Variants in RABL3 observed in about 807,000 individuals in gnomAD.
The protein encoded by RABL3 is rab-like protein 3.
A neutral mutation model predicts 31.8 loss-of-function variants in RABL3; 31 were observed. The ratio of observed to expected loss-of-function variants is 0.97; its 90% CI spans 0.73 to 1.31. The LOEUF (loss-of-function observed/expected upper bound fraction) is 1.31, where lower values mean the gene tolerates loss of function less well. RABL3 is among the 40% of genes most tolerant of loss of function. RABL3 has a pLI of 0.00. For synonymous variants in RABL3, 97 were observed against 99.9 expected, an observed-to-expected ratio of 0.97 and a Z score of 0.18; for missense variants, 263 against 279.6, an observed-to-expected ratio of 0.94 and a Z score of 0.42.
chr3:120,692,075 G>A (rs993368616), intron 6 of RABL3, among the ~76,000 whole-genome samples: 1 of 152,204 alleles, frequency 6.6e-6, no homozygotes, highest in African/African-American at 2.4e-5. Context: ...AAACCAAGAA[G>A]GAGACTGATT....
chr3:120,702,631 C>T lies in RABL3; in HGVS notation c.383+3369G>A, dbSNP rs187661573. Among the ~76,000 whole-genome samples, 11 of 151,348 alleles carry T rather than the reference C, an allele frequency of 7.3e-5. No homozygotes were observed. In the East Asian group the frequency reaches 2.0e-3, roughly 27 times the overall value. ...GGGGTGCAGTGGCGTGATCTCGGCTCACTGCAAGCTCCGTCTCCCAGGTTC... is the reference window on the plus strand; with the variant it reads ...GGGGTGCAGTGGCGTGATCTCGGCTTACTGCAAGCTCCGTCTCCCAGGTTC... On this transcript the variant is annotated intron_variant, in intron 4 of 7. Transcript: ENST00000273375.
At chr3:120,690,318 G>T in intron 7 of RABL3, 131 bp downstream of exon 7, 1 of 669,688 alleles carries the variant, frequency 1.5e-6, no homozygotes, top group Non-Finnish European at 2.7e-6. Context: ...TATTTAACAG[G>T]ATAGAAGGAA....
At chr3:120,713,460 T>C (rs933047598) in intron 2 of RABL3, among the ~76,000 whole-genome samples, 1 of 152,222 alleles carries the variant, frequency 6.6e-6, no homozygotes, top group African/African-American at 2.4e-5. Flanking sequence ...ATAACAAGTA[T>C]TGCTCTTGAC....
intron 4 of RABL3, among the ~76,000 whole-genome samples, chr3:120,701,682 G>T (rs76219488): frequency 0.23 from 34,771 of 151,994 alleles, 4,697 homozygotes; most frequent in Non-Finnish European, 0.3. Context: ...TCTTTATTAG[G>T]TCTTGCTGGA....
At chr3:120,698,380 T>G (rs374960241) in intron 5 of RABL3, 43 bp downstream of exon 5, 49 of 1,556,402 alleles carry the variant, frequency 3.1e-5, no homozygotes, top group Admixed American at 1.4e-4. Flanking sequence ...AGTTTTGTCT[T>G]TACCCGATAA....
intron 4 of RABL3, 136 bp downstream of exon 4, chr3:120,705,864 T>C (rs1219167512): frequency 1.2e-5 from 8 of 657,262 alleles, no homozygotes; most frequent in Admixed American, 5.6e-5. Context: ...TTGTGAAAGA[T>C]ACTGTTAAAA....
At chr3:120,727,727 T>C (rs1280416083) in intron 2 of RABL3, among the ~76,000 whole-genome samples, 2 of 152,166 alleles carry the variant, frequency 1.3e-5, no homozygotes, top group East Asian at 1.9e-4. Context: ...TCTAGTGATA[T>C]ATGAAAAGAG....
At chr3:120,695,545 T>C (rs182742648) in intron 5 of RABL3, among the ~76,000 whole-genome samples, 1 of 152,270 alleles carries the variant, frequency 6.6e-6, no homozygotes, top group Admixed American at 6.5e-5. Flanking sequence ...TTAGTCCTCC[T>C]CTCTTCAATC....
intron 3 of RABL3, among the ~76,000 whole-genome samples, chr3:120,709,144 A>G (rs1160180687): frequency 1.3e-5 from 2 of 152,068 alleles, no homozygotes; most frequent in African/African-American, 4.8e-5. Flanking sequence ...AATTTTTAAA[A>G]AGACTAAGAA....
intron 2 of RABL3, chr3:120,722,174 T>C (rs1040146900): frequency 6.6e-6 from 1 of 152,160 alleles, no homozygotes; most frequent in African/African-American, 2.4e-5. Context: ...AGCAGTAATA[T>C]TAATAATTTT....
intron 2 of RABL3, among the ~76,000 whole-genome samples, chr3:120,710,860 CAA>C (rs961102064): frequency 6.6e-6 from 1 of 152,120 alleles, no homozygotes; most frequent in African/African-American, 2.4e-5. Context: ...AAAAGTCCTC[CAA>C]AGAGTTGTCT....
chr3:120,725,774 A>G (rs1300573942), intron 2 of RABL3, among the ~76,000 whole-genome samples: 1 of 152,164 alleles, frequency 6.6e-6, no homozygotes, highest in Non-Finnish European at 1.5e-5. Context: ...AGGAAGGCGA[A>G]CATCACACAC....
rs577510798 is a variant in RABL3 at position 120,740,244 on chromosome 3, CA to C, written c.46+2217del. On this transcript the variant is annotated intron_variant, in intron 1 of 7. Transcript: ENST00000273375. ...TCTCAATAGGATAAAAACAAATCAC[CA>C]AATATCAACTTATTCTTTTTATTTT... is the stretch of plus-strand genomic sequence containing the variant. Among the ~76,000 whole-genome samples the C allele has an allele frequency of 9.9e-5, 15 of 152,180 alleles. No homozygotes were observed. In the South Asian group the frequency reaches 3.1e-3, roughly 32 times the overall value.
intron 1 of RABL3, among the ~76,000 whole-genome samples, chr3:120,735,897 G>A (rs1708955345): frequency 6.6e-6 from 1 of 152,228 alleles, no homozygotes; most frequent in African/African-American, 2.4e-5. Context: ...TGACAGCACT[G>A]TGGTCTGAGA....
At chr3:120,736,555 G>A (rs562645179) in intron 1 of RABL3, among the ~76,000 whole-genome samples, 1 of 152,196 alleles carries the variant, frequency 6.6e-6, no homozygotes, top group Non-Finnish European at 1.5e-5. Flanking sequence ...ATTGTTATGT[G>A]TGAATTTGAT....
rs373848016 is a variant in RABL3 at position 120,725,771 on chromosome 3, C to G, written c.138+4925G>C. On this transcript the variant is annotated intron_variant, in intron 2 of 7. Coordinates refer to ENST00000273375, the MANE Select transcript of RABL3 (RefSeq NM_173825.5). ...ATGAGAACACATGGACACAGGAAGGCGAACATCACACACTGGGGCCTATTG... is the reference window on the plus strand; with the variant it reads ...ATGAGAACACATGGACACAGGAAGGGGAACATCACACACTGGGGCCTATTG... Among the ~76,000 whole-genome samples the G allele has an allele frequency of 1.3e-3, 196 of 151,938 alleles. No individual in the cohort carries two copies. In the East Asian group the frequency reaches 0.035, roughly 27 times the overall value.
At chr3:120,739,269 T>C (rs1709012118) in intron 1 of RABL3, among the ~76,000 whole-genome samples, 1 of 151,706 alleles carries the variant, frequency 6.6e-6, no homozygotes, top group Non-Finnish European at 1.5e-5. Context: ...CCCAGCTACT[T>C]GGGAGGCTGA....
At chr3:120,697,946 C>T (rs1363406700) in intron 5 of RABL3, among the ~76,000 whole-genome samples, 2 of 152,096 alleles carry the variant, frequency 1.3e-5, no homozygotes, top group South Asian at 2.1e-4. Context: ...AGGGCAAATC[C>T]AGTCAAGAGT....
chr3:120,687,512 T>C lies in RABL3; in HGVS notation c.*2311A>G, dbSNP rs1708325050. 1 of 152,256 alleles carries C rather than the reference T, an allele frequency of 6.6e-6. No homozygotes were observed. The highest frequency in any genetic ancestry group is 1.5e-5 in the Non-Finnish European group (1 of 68,036). 9.4% of individuals were successfully genotyped at this position (152,256 alleles called of 1,614,324 possible). On this transcript the variant is annotated 3_prime_UTR_variant, in exon 8 of 8. Transcript: ENST00000273375. ...TATTATCTAAAAGCATTTTTATGAA[T>C]AGTTCTCAAGAAGTCCTAGCAAAAA...
Sources: gnomAD v4.1 joint callset for allele counts (sites outside exome capture counted in the v4.1 genomes callset) on GRCh38, gnomAD v4.1.1 for gene constraint, MANE v1.5 for transcripts, NCBI Gene and HGNC (gene_info 2026-07-23, HGNC 2026-07-21) for gene names.